Variants in ZFAND4 observed in about 807,000 individuals in gnomAD.
The protein encoded by ZFAND4 is AN1-type zinc finger protein 4.
A neutral mutation model predicts 64.4 loss-of-function variants in ZFAND4; 43 were observed. The observed-to-expected ratio is 0.67, with a 90% CI of 0.52 to 0.86. ZFAND4 has a LOEUF of 0.86. Among genes scored for constraint, ZFAND4 ranks in the 40% least tolerant of loss-of-function variants. The pLI, the probability that ZFAND4 is intolerant of heterozygous loss-of-function variation, is 0.00. For missense variants in ZFAND4, 929 were observed against 859.8 expected (o/e 1.08, Z -1.01); for synonymous variants, 296 against 305.7 (o/e 0.97, Z 0.33).
rs2046751946 is a variant in ZFAND4 at position 45,638,290 on chromosome 10, T to C, written c.717+1526A>G. On this transcript the variant is annotated intron_variant, in intron 6 of 9. Coordinates refer to ENST00000344646, the MANE Select transcript of ZFAND4 (RefSeq NM_174890.4). ...TGAGGTCAGGAGATCGAGACCAACT[T>C]GGCTAATACGGTGAAACCCCGTCTC... is the stretch of plus-strand genomic sequence containing the variant. Among the ~76,000 whole-genome samples the C allele has an allele frequency of 2.0e-5, 3 of 147,402 alleles. No homozygotes were observed. In the South Asian group the frequency reaches 6.4e-4, roughly 32 times the overall value.
intron 1 of ZFAND4, among the ~76,000 whole-genome samples, chr10:45,671,940 AC>A (rs1311624205): frequency 4.6e-5 from 7 of 152,196 alleles, no homozygotes; most frequent in African/African-American, 1.4e-4. Context: ...AGCGCTGAAT[AC>A]GTAATTTCAG....
At chr10:45,664,850 G>T (rs1168332849) in intron 1 of ZFAND4, among the ~76,000 whole-genome samples, 1 of 152,102 alleles carries the variant, frequency 6.6e-6, no homozygotes, top group Non-Finnish European at 1.5e-5. Context: ...AGAATGGCGT[G>T]AACCCGGGAG....
Position 45,637,067 on chromosome 10 carries a change from G to A in ZFAND4, c.717+2749C>T, listed in dbSNP as rs1432937995. Among the ~76,000 whole-genome samples the A allele has an allele frequency of 5.3e-5, 8 of 151,550 alleles. No homozygotes were observed. In the South Asian group the frequency reaches 1.3e-3, roughly 24 times the overall value. On this transcript the variant is annotated intron_variant, in intron 6 of 9. Coordinates refer to ENST00000344646, the MANE Select transcript of ZFAND4 (RefSeq NM_174890.4). Reference sequence around the variant, plus strand: ...TATATCAGAAAAATTTCAGCTGGGCGCGGTGGCTCGCTCCTGTAATCCCAA... The same window carrying A: ...TATATCAGAAAAATTTCAGCTGGGCACGGTGGCTCGCTCCTGTAATCCCAA...
intron 6 of ZFAND4, among the ~76,000 whole-genome samples, chr10:45,632,126 G>A (rs1204579690): frequency 6.6e-6 from 1 of 152,138 alleles, no homozygotes; most frequent in Admixed American, 6.5e-5. Context: ...AGGCCAAGGT[G>A]GGTGGATCAC....
At chr10:45,629,268 G>C (rs1027920245) in intron 6 of ZFAND4, among the ~76,000 whole-genome samples, 2 of 151,972 alleles carry the variant, frequency 1.3e-5, no homozygotes, top group African/African-American at 4.8e-5. Context: ...TCCCTATGTT[G>C]ACAGGCTGGT....
intron 2 of ZFAND4, among the ~76,000 whole-genome samples, chr10:45,660,889 G>C (rs1232152346): frequency 6.6e-6 from 1 of 151,898 alleles, no homozygotes; most frequent in Non-Finnish European, 1.5e-5. Flanking sequence ...TGGCTTTTTT[G>C]CAAGAAACGT....
chr10:45,636,636 CAA>C (rs1011135218), intron 6 of ZFAND4, among the ~76,000 whole-genome samples: 6 of 120,272 alleles, frequency 5.0e-5, no homozygotes, highest in Non-Finnish European at 5.4e-5. Context: ...GATTCTGTCT[CAA>C]AAAAAAAAAA....
At chr10:45,627,828 G>A (rs996120983) in intron 6 of ZFAND4, among the ~76,000 whole-genome samples, 1 of 152,114 alleles carries the variant, frequency 6.6e-6, no homozygotes, top group Non-Finnish European at 1.5e-5. Flanking sequence ...CACTGATAGA[G>A]GACTAAGCAC....
intron 6 of ZFAND4, among the ~76,000 whole-genome samples, chr10:45,630,882 C>G (rs1453699819): frequency 6.6e-6 from 1 of 150,888 alleles, no homozygotes; most frequent in Non-Finnish European, 1.5e-5. Context: ...AGGAAGGTCA[C>G]TTGAGCCCAG....
At chr10:45,670,832 T>C (rs2049134922) in intron 1 of ZFAND4, among the ~76,000 whole-genome samples, 2 of 151,894 alleles carry the variant, frequency 1.3e-5, no homozygotes, top group East Asian at 3.9e-4. Context: ...AATAGACAAA[T>C]GGGATCTAAT....
intron 5 of ZFAND4, among the ~76,000 whole-genome samples, chr10:45,643,392 C>CG (rs2047157978): frequency 6.6e-6 from 1 of 151,540 alleles, no homozygotes; most frequent in African/African-American, 2.4e-5. Context: ...AATCCCAGGC[C>CG]GGGCACAGTG....
At chr10:45,658,721 A>G (rs1294318997) in intron 2 of ZFAND4, among the ~76,000 whole-genome samples, 1 of 152,226 alleles carries the variant, frequency 6.6e-6, no homozygotes, top group Non-Finnish European at 1.5e-5. Context: ...AGCAAAACAA[A>G]TACTTGGAAT....
intron 6 of ZFAND4, among the ~76,000 whole-genome samples, chr10:45,634,668 C>T (rs1272204419): frequency 6.6e-6 from 1 of 151,802 alleles, no homozygotes; most frequent in African/African-American, 2.4e-5. Flanking sequence ...AGAAATCAGA[C>T]AAGAGAAAGA....
chr10:45,670,284 T>C (rs2133889358), intron 1 of ZFAND4, among the ~76,000 whole-genome samples: 1 of 151,080 alleles, frequency 6.6e-6, no homozygotes, highest in Admixed American at 6.6e-5. Context: ...TGGAGTGCAA[T>C]GGTGTGATCT....
At chr10:45,635,214 CAAA>C (rs76130878) in intron 6 of ZFAND4, among the ~76,000 whole-genome samples, 6 of 68,286 alleles carry the variant, frequency 8.8e-5, no homozygotes, top group Admixed American at 4.9e-4. Context: ...AAAAAAAAAA[CAAA>C]AAAAAAACAA....
intron 5 of ZFAND4, among the ~76,000 whole-genome samples, chr10:45,641,921 C>A (rs1457828822): frequency 6.6e-6 from 1 of 152,172 alleles, no homozygotes. Flanking sequence ...GGTTCCTAAG[C>A]TGATTCTTCC....
At chr10:45,650,937 G>A (rs964916331) in intron 4 of ZFAND4, 3 of 152,104 alleles carry the variant, frequency 2.0e-5, no homozygotes, top group Non-Finnish European at 4.4e-5. Flanking sequence ...CCTATAAAAA[G>A]CAGTCCAACA....
rs1365449525 is a variant in ZFAND4 at position 45,626,506 on chromosome 10, C to T, written c.1317G>A (p.Glu439=). Residue 439 remains glutamate, a synonymous_variant, in exon 7 of 10, where the codon GAG becomes GAA. Coordinates refer to ENST00000344646, the MANE Select transcript of ZFAND4 (RefSeq NM_174890.4). ...TNADKGLKAP[E]QHLKHVAGVL... The stretch of plus-strand genomic sequence containing the variant: ...CTCCTGCAACATGCTTGAGATGCTG[C>T]TCTGGAGCTTTCAACCCTTTGTCAG... 1 of 1,613,968 alleles carries T rather than the reference C, an allele frequency of 6.2e-7. No homozygotes were observed. Among genetic ancestry groups the T allele is most frequent in the South Asian group, 1.1e-5 (1 of 91,084 alleles).
chr10:45,635,190 C>T (rs1308617209), intron 6 of ZFAND4, among the ~76,000 whole-genome samples: 1 of 34,032 alleles, frequency 2.9e-5, no homozygotes, highest in Non-Finnish European at 5.5e-5. Context: ...TCAAAGCCAT[C>T]TAAGCAAAAA....
Sources: gnomAD v4.1 joint callset for allele counts (sites outside exome capture counted in the v4.1 genomes callset) on GRCh38, gnomAD v4.1.1 for gene constraint, MANE v1.5 for transcripts, NCBI Gene and HGNC (gene_info 2026-07-23, HGNC 2026-07-21) for gene names.